Variants in MYO6 observed in about 807,000 individuals in gnomAD.
MYO6 encodes the protein myosin VI.
Under a neutral mutation model 178.7 loss-of-function variants are expected in MYO6, and 74 were observed. The ratio of observed to expected loss-of-function variants is 0.41; its 90% CI spans 0.34 to 0.50. MYO6 has a LOEUF of 0.50. Among genes scored for constraint, MYO6 ranks in the 20% least tolerant of loss-of-function variants. The probability of loss-of-function intolerance (pLI) is 0.09; values close to 1 mark genes in which losing one functional copy is unlikely to be tolerated. For missense variants in MYO6, 1,330 were observed against 1,547.4 expected, an observed-to-expected ratio of 0.86 and a Z score of 2.36; for synonymous variants, 477 against 504.6, an observed-to-expected ratio of 0.95 and a Z score of 0.73.
At chr6:75,790,705 C>G (rs1768141446) in intron 1 of MYO6, among the ~76,000 whole-genome samples, 2 of 152,118 alleles carry the variant, frequency 1.3e-5, no homozygotes, top group South Asian at 4.2e-4. Context: ...TTTTTCGGAC[C>G]ATGTCAAAAG....
At chr6:75,770,580 G>A (rs1446632702) in intron 1 of MYO6, among the ~76,000 whole-genome samples, 3 of 152,126 alleles carry the variant, frequency 2.0e-5, no homozygotes, top group Admixed American at 6.5e-5. Context: ...GGGTTGAAGC[G>A]ATTCTTTTGC....
intron 7 of MYO6, among the ~76,000 whole-genome samples, chr6:75,840,003 T>G (rs1045311978): frequency 1.3e-5 from 2 of 151,956 alleles, no homozygotes; most frequent in Non-Finnish European, 2.9e-5. Context: ...TGTAACATAG[T>G]GGCTTAAAAA....
chr6:75,777,021 G>T (rs1007701793), intron 1 of MYO6, among the ~76,000 whole-genome samples: 4 of 152,068 alleles, frequency 2.6e-5, no homozygotes, highest in Admixed American at 2.0e-4. Context: ...GTATTCAGAT[G>T]GTTTGTGGTT....
Position 75,862,651 on chromosome 6 carries a change from C to T in MYO6, c.1602C>T (p.Arg534=). 1.2e-6 allele frequency: 2 copies of T among 1,613,906 alleles called. No individual in the cohort carries two copies. Among genetic ancestry groups the T allele is most frequent in the Non-Finnish European group, 1.7e-6 (2 of 1,179,890 alleles). ...TGGATATTTTGGATGAAGAAAATCG[C>T]CTTCCCCAGCCAAGTGATCAACACT... is the stretch of plus-strand genomic sequence containing the variant. ...GILDILDEEN[R]LPQPSDQHFT... The change falls in exon 16 of 35, where the codon CGC becomes CGT. Residue 534 remains arginine (R), a synonymous_variant. Coordinates refer to ENST00000369977, the MANE Select transcript of MYO6 (RefSeq NM_004999.4).
chr6:75,826,099 G>C (rs1341689558), intron 3 of MYO6, among the ~76,000 whole-genome samples: 1 of 152,198 alleles, frequency 6.6e-6, no homozygotes, highest in Non-Finnish European at 1.5e-5. Context: ...ATTTGGTAGA[G>C]CAGGAAGTTA....
At chr6:75,886,402 GATA>G (rs1372436476) in intron 24 of MYO6, among the ~76,000 whole-genome samples, 5 of 152,070 alleles carry the variant, frequency 3.3e-5, no homozygotes, top group African/African-American at 1.2e-4. Context: ...TGAGTTTCTT[GATA>G]ATGTCAAGGT....
intron 1 of MYO6, among the ~76,000 whole-genome samples, chr6:75,777,492 A>G (rs986223638): frequency 1.3e-5 from 2 of 151,558 alleles, no homozygotes; most frequent in African/African-American, 4.9e-5. Flanking sequence ...CAGTGGCGCA[A>G]TTTCAGTTCA....
At chr6:75,813,830 A>C (rs1191094901) in intron 1 of MYO6, among the ~76,000 whole-genome samples, 1 of 152,154 alleles carries the variant, frequency 6.6e-6, no homozygotes, top group Non-Finnish European at 1.5e-5. Context: ...AGAAATGCCC[A>C]GGAGCTAGGG....
intron 28 of MYO6, 24 bp downstream of exon 28, chr6:75,892,714 A>T: frequency 1.2e-6 from 2 of 1,611,584 alleles, no homozygotes; most frequent in Non-Finnish European, 1.7e-6. Context: ...TGGGTGGGGT[A>T]TAGCGCTCTC....
intron 3 of MYO6, among the ~76,000 whole-genome samples, chr6:75,823,387 C>T (rs1772107691): frequency 6.6e-6 from 1 of 152,036 alleles, no homozygotes; most frequent in Non-Finnish European, 1.5e-5. Context: ...TGGAACAGGC[C>T]AATGTTTATT....
chr6:75,816,673 A>G (rs1228924719), intron 1 of MYO6, among the ~76,000 whole-genome samples: 2 of 152,236 alleles, frequency 1.3e-5, no homozygotes, highest in Non-Finnish European at 2.9e-5. Context: ...TCGGGAGCAC[A>G]TCAGTCCATT....
intron 4 of MYO6, among the ~76,000 whole-genome samples, chr6:75,829,876 T>C (rs910679): frequency 0.64 from 97,574 of 152,074 alleles, 32,952 homozygotes; most frequent in East Asian, 0.91. Context: ...AAATGGTCAC[T>C]ACAGAGCTAA....
In MYO6 at chr6:75,898,418, G is replaced by A. The variant is rs1779473988; in HGVS notation, c.3176+7G>A. On this transcript the variant is annotated splice_region_variant and intron_variant, in intron 30 of 34. Coordinates refer to ENST00000369977, the MANE Select transcript of MYO6 (RefSeq NM_004999.4). ...TGTCAGAATTTTTGAGTAGGTTAGT[G>A]CAGTGTAATTGGGGGAAATAAGTGT... is the stretch of plus-strand genomic sequence containing the variant. 6.2e-7 allele frequency: 1 copy of A among 1,607,038 alleles called. No homozygotes were observed. The highest frequency in any genetic ancestry group is 1.7e-5 in the Admixed American group (1 of 59,976).
chr6:75,824,045 A>G (rs1160654185), intron 3 of MYO6, among the ~76,000 whole-genome samples: 1 of 152,246 alleles, frequency 6.6e-6, no homozygotes, highest in African/African-American at 2.4e-5. Context: ...AGACTGTACC[A>G]TATCTAAAAT....
chr6:75,830,677 A>C, intron 5 of MYO6, 132 bp downstream of exon 5: 7 of 841,914 alleles, frequency 8.3e-6, no homozygotes, highest in Non-Finnish European at 1.3e-5. Context: ...TACCTCTTGG[A>C]TATATCAACA....
chr6:75,828,810 T>G (rs1375048001), intron 4 of MYO6, among the ~76,000 whole-genome samples, 197 bp downstream of exon 4: 3 of 152,160 alleles, frequency 2.0e-5, no homozygotes, highest in Non-Finnish European at 4.4e-5. Flanking sequence ...GCATGCCTGG[T>G]ACACAGAAAG....
intron 18 of MYO6, among the ~76,000 whole-genome samples, chr6:75,868,279 A>T (rs1324600528): frequency 4.0e-5 from 6 of 151,842 alleles, no homozygotes; most frequent in Non-Finnish European, 5.9e-5. Context: ...TATATTCATT[A>T]TTATGAGTTT....
chr6:75,821,001 T>C (rs1048258460), intron 2 of MYO6, among the ~76,000 whole-genome samples: 2 of 152,234 alleles, frequency 1.3e-5, no homozygotes, highest in Non-Finnish European at 2.9e-5. Flanking sequence ...GATCAAGATA[T>C]GTTTTTAGCA....
At position 75,855,213 on chromosome 6, in the gene MYO6, G is replaced by T. The variant is rs1478766837; in HGVS notation, c.1153G>T (p.Asp385Tyr). The change falls in exon 12 of 35, where the codon GAT becomes TAT. Residue 385 changes from aspartate (D) to tyrosine (Y), a missense_variant. This residue lies in a region of MYO6 where 613 missense variants were observed against 816.8 expected (regional missense o/e 0.75). Coordinates refer to ENST00000369977, the MANE Select transcript of MYO6 (RefSeq NM_004999.4). Reference protein sequence around the residue: ...CAELLGLDQDDLRVSLTTRVM... With the variant: ...CAELLGLDQDYLRVSLTTRVM... ...TGAATTACTGGGTTTGGACCAAGAT[G>T]ATCTTCGAGTAAGTTTGACCACAAG... The T allele has an allele frequency of 6.2e-7, 1 of 1,613,636 alleles. No individual in the cohort carries two copies. The highest frequency in any genetic ancestry group is 8.5e-7 in the Non-Finnish European group (1 of 1,179,686).
Sources: gnomAD v4.1 joint callset for allele counts (sites outside exome capture counted in the v4.1 genomes callset) on GRCh38, gnomAD v4.1.1 for gene constraint, gnomAD v4.1.1 regional missense constraint, MANE v1.5 for transcripts, NCBI Gene and HGNC (gene_info 2026-07-23, HGNC 2026-07-21) for gene names.